The following CCDC178 variants were observed in gnomAD, a reference collection of about 807,000 sequenced individuals.
CCDC178 encodes the protein coiled-coil domain-containing protein 178.
In CCDC178, 126 loss-of-function variants were observed where a neutral mutation model predicts 117.4. That is an observed-to-expected ratio of 1.07 (90% confidence interval 0.93 to 1.24). CCDC178 has a LOEUF of 1.24. Among genes scored for constraint, CCDC178 ranks in the 50% most tolerant of loss-of-function variants. The probability of loss-of-function intolerance (pLI) is 0.00; values close to 1 mark genes in which losing one functional copy is unlikely to be tolerated. For synonymous variants in CCDC178, 283 were observed against 313.4 expected (o/e 0.90, Z 1.02); for missense variants, 1,030 against 986.9 (o/e 1.04, Z -0.59).
chr18:33,231,941 A>G (rs4633796), intron 15 of CCDC178, among the ~76,000 whole-genome samples: 24,503 of 152,058 alleles, frequency 0.16, 2,755 homozygotes, highest in African/African-American at 0.32. Context: ...TGCTGCCTAC[A>G]TTTGCTATTC....
At position 33,130,151 on chromosome 18, in the gene CCDC178, C is replaced by T. The variant is rs565264410; in HGVS notation, c.2239-37241G>A. On this transcript the variant is annotated intron_variant, in intron 20 of 22. Transcript: ENST00000383096. ...GTAGACATAAGTGTAAAGTCATTAC[C>T]GAAGAGCAAGGATTTCTGGATTAAA... Among the ~76,000 whole-genome samples the T allele has an allele frequency of 1.9e-4, 29 of 151,634 alleles. No individual in the cohort carries two copies. The East Asian group carries it at 4.3e-3, about 22-fold the overall frequency.
intron 20 of CCDC178, among the ~76,000 whole-genome samples, chr18:33,174,101 G>A (rs2058635697): frequency 6.6e-6 from 1 of 152,156 alleles, no homozygotes. Context: ...GGAGGCCTCA[G>A]GAAGCTTCCA....
chr18:33,303,797 T>G (rs1386062862), intron 11 of CCDC178, among the ~76,000 whole-genome samples: 12 of 152,098 alleles, frequency 7.9e-5, no homozygotes, highest in Non-Finnish European at 1.8e-4. Flanking sequence ...TTCAAGGATA[T>G]TTTTAGGGGA....
intron 21 of CCDC178, among the ~76,000 whole-genome samples, chr18:33,045,133 A>G (rs1239445920): frequency 1.3e-5 from 2 of 152,190 alleles, no homozygotes; most frequent in Non-Finnish European, 2.9e-5. Context: ...ATATGTATGT[A>G]AGAAATCCAC....
intron 18 of CCDC178, among the ~76,000 whole-genome samples, chr18:33,219,378 A>G (rs893590448): frequency 1.9e-4 from 29 of 152,148 alleles, no homozygotes; most frequent in African/African-American, 6.8e-4. Context: ...CAATTCCTCA[A>G]GGATCTAGAA....
At chr18:32,980,379 C>T (rs1385604934) in intron 21 of CCDC178, among the ~76,000 whole-genome samples, 2 of 151,240 alleles carry the variant, frequency 1.3e-5, no homozygotes, top group Non-Finnish European at 3.0e-5. Context: ...GTCAGGAGAT[C>T]GAGACCACGG....
intron 22 of CCDC178, among the ~76,000 whole-genome samples, chr18:32,952,095 A>G (rs1297702850): frequency 6.6e-6 from 1 of 152,104 alleles, no homozygotes; most frequent in Non-Finnish European, 1.5e-5. Flanking sequence ...ATGAACTGGC[A>G]TTGAGTGCCT....
chr18:33,307,418 C>T (rs2062270793), intron 11 of CCDC178, among the ~76,000 whole-genome samples: 1 of 152,150 alleles, frequency 6.6e-6, no homozygotes, highest in Non-Finnish European at 1.5e-5. Context: ...ATCTGTGGAA[C>T]TTTGAACTTG....
intron 20 of CCDC178, among the ~76,000 whole-genome samples, chr18:33,134,070 A>C (rs1598917313): frequency 6.6e-6 from 1 of 151,976 alleles, no homozygotes; most frequent in South Asian, 2.1e-4. Context: ...AAAAAATTTA[A>C]AGAACATGTA....
chr18:33,096,737 A>G (rs1371403105), intron 20 of CCDC178, among the ~76,000 whole-genome samples: 7 of 152,042 alleles, frequency 4.6e-5, no homozygotes. Context: ...CAAAGCCTCA[A>G]CCGTCTCAGT....
At chr18:33,379,000 C>T (rs1359653955) in intron 5 of CCDC178, among the ~76,000 whole-genome samples, 1 of 151,152 alleles carries the variant, frequency 6.6e-6, no homozygotes, top group Non-Finnish European at 1.5e-5. Context: ...GTAATAGTTT[C>T]AGTAGGATTA....
At chr18:33,350,151 C>T (rs2062954988) in intron 7 of CCDC178, among the ~76,000 whole-genome samples, 1 of 151,628 alleles carries the variant, frequency 6.6e-6, no homozygotes, top group Admixed American at 6.6e-5. Context: ...TAGTACTTTC[C>T]CTGCTGGCTT....
intron 9 of CCDC178, among the ~76,000 whole-genome samples, chr18:33,343,544 C>T (rs2062844954): frequency 2.0e-5 from 3 of 152,142 alleles, no homozygotes; most frequent in South Asian, 2.1e-4. Context: ...CACCCATCTC[C>T]ATTATCTCCC....
chr18:33,062,472 G>A (rs1163462628), intron 21 of CCDC178, among the ~76,000 whole-genome samples: 1 of 152,166 alleles, frequency 6.6e-6, no homozygotes, highest in African/African-American at 2.4e-5. Context: ...CAAGTGACAG[G>A]GAACCTCTGA....
chr18:33,293,964 G>GA (rs1213563155), intron 11 of CCDC178, among the ~76,000 whole-genome samples: 1 of 151,606 alleles, frequency 6.6e-6, no homozygotes, highest in South Asian at 2.1e-4. Flanking sequence ...GAAAGGTAAG[G>GA]AAAAAAAAGA....
intron 14 of CCDC178, among the ~76,000 whole-genome samples, chr18:33,248,469 C>T (rs983641168): frequency 2.7e-5 from 4 of 148,808 alleles, no homozygotes; most frequent in Non-Finnish European, 6.0e-5. Context: ...CTTCCTGTGT[C>T]GAGTGTTCTC....
chr18:33,424,596 G>A (rs915580584), intron 2 of CCDC178, among the ~76,000 whole-genome samples: 53 of 152,184 alleles, frequency 3.5e-4, no homozygotes, highest in Admixed American at 3.4e-3. Context: ...GGCACCCACA[G>A]AAAGAGACAG....
chr18:33,267,837 T>C (rs1374981898), intron 12 of CCDC178, among the ~76,000 whole-genome samples: 2 of 151,542 alleles, frequency 1.3e-5, no homozygotes, highest in African/African-American at 4.8e-5. Context: ...TAAACAATTT[T>C]GGTAAAATGG....
At chr18:33,079,083 A>C (rs1389159574) in intron 21 of CCDC178, among the ~76,000 whole-genome samples, 1 of 152,214 alleles carries the variant, frequency 6.6e-6, no homozygotes, top group Non-Finnish European at 1.5e-5. Context: ...ACAGACACAC[A>C]GACCAATAGA....
Sources: gnomAD v4.1 joint callset for allele counts (sites outside exome capture counted in the v4.1 genomes callset) on GRCh38, gnomAD v4.1.1 for gene constraint, MANE v1.5 for transcripts, NCBI Gene and HGNC (gene_info 2026-07-23, HGNC 2026-07-21) for gene names.